Variants in PPHLN1 observed in about 807,000 individuals in gnomAD.
The protein encoded by PPHLN1 is periphilin 1.
In PPHLN1, 29 loss-of-function variants were observed where a neutral mutation model predicts 51.3. That is an observed-to-expected ratio of 0.57 (90% confidence interval 0.42 to 0.77). PPHLN1 has a LOEUF of 0.77. Among genes scored for constraint, PPHLN1 ranks in the 30% least tolerant of loss-of-function variants. The pLI is 0.00. For missense variants in PPHLN1, 436 were observed against 438.4 expected, an observed-to-expected ratio of 0.99 and a Z score of 0.05; for synonymous variants, 147 against 147.8, an observed-to-expected ratio of 0.99 and a Z score of 0.04.
chr12:42,355,885 C>CT (rs1279110386), intron 4 of PPHLN1, among the ~76,000 whole-genome samples: 1 of 151,912 alleles, frequency 6.6e-6, no homozygotes, highest in Non-Finnish European at 1.5e-5. Flanking sequence ...GAAAGTAAGG[C>CT]TTTTTTTCAG....
intron 9 of PPHLN1, among the ~76,000 whole-genome samples, chr12:42,440,268 A>G (rs1168477746): frequency 6.6e-6 from 1 of 151,986 alleles, no homozygotes; most frequent in Non-Finnish European, 1.5e-5. Flanking sequence ...TTTAGTTTCA[A>G]ATTACATTTG....
At chr12:42,335,220 C>G (rs1000710721) in intron 1 of PPHLN1, among the ~76,000 whole-genome samples, 33 of 151,988 alleles carry the variant, frequency 2.2e-4, no homozygotes, top group Admixed American at 9.8e-4. Context: ...GTCCCACCCC[C>G]CCCTTCTCTG....
intron 4 of PPHLN1, among the ~76,000 whole-genome samples, chr12:42,360,042 A>G (rs2074449100): frequency 6.7e-6 from 1 of 149,514 alleles, no homozygotes; most frequent in Non-Finnish European, 1.5e-5. Context: ...CAGGAGATGG[A>G]GGCTGCAGTG....
chr12:42,374,054 C>A (rs907954748), intron 4 of PPHLN1, among the ~76,000 whole-genome samples: 3 of 152,076 alleles, frequency 2.0e-5, no homozygotes, highest in Non-Finnish European at 4.4e-5. Context: ...ATCAAAAATA[C>A]CTCTAGACAA....
downstream of PPHLN1, chr12:42,442,628 G>A: frequency 3.1e-6 from 5 of 1,613,706 alleles, no homozygotes; most frequent in Non-Finnish European, 4.2e-6. Context: ...CTTTCATCCG[G>A]TCGCTCGGCC....
At chr12:42,336,935 C>T (rs1161919000) in intron 2 of PPHLN1, among the ~76,000 whole-genome samples, 5 of 152,018 alleles carry the variant, frequency 3.3e-5, no homozygotes, top group African/African-American at 9.7e-5. Context: ...TGGGTGGTAT[C>T]GTCTTTAGGT....
chr12:42,390,818 G>A (rs954117615), intron 7 of PPHLN1, among the ~76,000 whole-genome samples: 1 of 118,572 alleles, frequency 8.4e-6, no homozygotes, highest in Non-Finnish European at 1.7e-5. Context: ...AGACCGTGAA[G>A]TTTTTTTTTT....
At chr12:42,416,649 G>T (rs1410973137) in intron 9 of PPHLN1, among the ~76,000 whole-genome samples, 2 of 152,216 alleles carry the variant, frequency 1.3e-5, no homozygotes, top group Non-Finnish European at 2.9e-5. Flanking sequence ...AATCAGGAAG[G>T]AAGTGTTCTG....
intron 4 of PPHLN1, among the ~76,000 whole-genome samples, chr12:42,356,300 A>C (rs973166076): frequency 1.3e-5 from 2 of 152,212 alleles, no homozygotes; most frequent in Non-Finnish European, 2.9e-5. Flanking sequence ...TCAGCATTGT[A>C]GTGTAGGTTC....
intron 1 of PPHLN1, among the ~76,000 whole-genome samples, chr12:42,328,285 G>T (rs1171365110): frequency 6.6e-6 from 1 of 152,188 alleles, no homozygotes; most frequent in African/African-American, 2.4e-5. Flanking sequence ...TATGCTTTTG[G>T]AGAGAATAGA....
downstream of PPHLN1, chr12:42,442,842 A>G: frequency 6.5e-7 from 1 of 1,550,300 alleles, no homozygotes; most frequent in Non-Finnish European, 8.7e-7. Flanking sequence ...GAAACAGTAT[A>G]TAAAAGTATT....
At chr12:42,404,207 A>G (rs1248879952) in intron 9 of PPHLN1, among the ~76,000 whole-genome samples, 1 of 152,222 alleles carries the variant, frequency 6.6e-6, no homozygotes, top group African/African-American at 2.4e-5. Context: ...GCAGCTTTGC[A>G]ATATTGATTA....
At chr12:42,411,254 ATATT>A (rs2079787384) in intron 9 of PPHLN1, among the ~76,000 whole-genome samples, 1 of 151,868 alleles carries the variant, frequency 6.6e-6, no homozygotes, top group South Asian at 2.1e-4. Context: ...TAATATATAT[ATATT>A]TATTTCAATA....
At chr12:42,423,011 T>C (rs1304299361) in intron 9 of PPHLN1, among the ~76,000 whole-genome samples, 1 of 152,224 alleles carries the variant, frequency 6.6e-6, no homozygotes, top group East Asian at 1.9e-4. Context: ...ATATGACTAG[T>C]TGATGTAATA....
chr12:42,427,680 C>T (rs1238965331), intron 9 of PPHLN1, among the ~76,000 whole-genome samples: 3 of 152,178 alleles, frequency 2.0e-5, no homozygotes, highest in South Asian at 2.1e-4. Flanking sequence ...AGGAAAAACC[C>T]TTCTAGACAT....
At chr12:42,375,474 G>T (rs958468483) in intron 5 of PPHLN1, among the ~76,000 whole-genome samples, 20 of 151,810 alleles carry the variant, frequency 1.3e-4, no homozygotes, top group Non-Finnish European at 8.8e-5. Flanking sequence ...ACCATGCCCG[G>T]CTAATTTTTG....
intron 4 of PPHLN1, among the ~76,000 whole-genome samples, chr12:42,365,015 G>A (rs2075120517): frequency 6.6e-6 from 1 of 152,170 alleles, no homozygotes; most frequent in Non-Finnish European, 1.5e-5. Context: ...GCTTTTAACT[G>A]TAAACATGTG....
intron 9 of PPHLN1, among the ~76,000 whole-genome samples, chr12:42,408,462 C>T (rs904871497): frequency 2.6e-5 from 4 of 151,644 alleles, no homozygotes; most frequent in Admixed American, 2.6e-4. Flanking sequence ...TGCATCCACA[C>T]TATGGAATTT....
At chr12:42,423,004 T>A (rs1003934019) in intron 9 of PPHLN1, among the ~76,000 whole-genome samples, 2 of 152,230 alleles carry the variant, frequency 1.3e-5, no homozygotes, top group Admixed American at 6.5e-5. Flanking sequence ...AGTAGCAATA[T>A]GACTAGTTGA....
Sources: allele counts gnomAD v4.1 joint callset (sites outside exome capture counted in the v4.1 genomes callset), GRCh38; gene constraint gnomAD v4.1.1; transcripts MANE v1.5; gene names NCBI Gene and HGNC (gene_info 2026-07-23, HGNC 2026-07-21).